The following EP400 variants were observed in gnomAD, a reference collection of about 807,000 sequenced individuals.
The protein encoded by EP400 is E1A-binding protein p400.
A neutral mutation model predicts 354.1 loss-of-function variants in EP400; 105 were observed. The ratio of observed to expected loss-of-function variants is 0.30; its 90% CI spans 0.25 to 0.35. The LOEUF is 0.35. EP400 is among the 10% of genes least tolerant of loss of function. The probability of loss-of-function intolerance (pLI) is 1.00; values close to 1 mark genes in which losing one functional copy is unlikely to be tolerated. For synonymous variants in EP400, 1,646 were observed against 1,716.9 expected (o/e 0.96, Z 1.02); for missense variants, 3,280 against 4,121.0 (o/e 0.80, Z 5.59).
intron 45 of EP400, among the ~76,000 whole-genome samples, chr12:132,060,564 C>T (rs183931582): frequency 1.2e-3 from 180 of 152,248 alleles, no homozygotes; most frequent in Middle Eastern, 6.8e-3. Flanking sequence ...GGGTCGTTGT[C>T]GTGCCAGGGA....
At chr12:132,066,600 T>C (rs767527418) in intron 48 of EP400, 174 bp from the exon 49 acceptor site, 96 of 671,678 alleles carry the variant, frequency 1.4e-4, no homozygotes, top group Non-Finnish European at 2.0e-4. Context: ...GACCTGTGAC[T>C]TGACATTTCC....
At position 131,982,102 on chromosome 12, in the gene EP400, C is replaced by A. The variant is rs1892700921; in HGVS notation, c.1553C>A (p.Pro518His). The A allele has an allele frequency of 1.3e-6, 2 of 1,510,926 alleles. No individual in the cohort carries two copies. Among genetic ancestry groups the A allele is most frequent in the Non-Finnish European group, 1.8e-6 (2 of 1,133,278 alleles). The allele number at this position is 1,510,926 out of a possible 1,614,324, so 93.6% of individuals were successfully genotyped here. A position where few individuals can be genotyped will look rare whatever the true frequency, so the allele number is the denominator to read the frequency against. Residue 518 changes from proline (P) to histidine (H), a missense_variant, in exon 5 of 53, where the codon CCC becomes CAC. By Grantham distance (77) the Pro-to-His change is moderately conservative (BLOSUM62 -2). Around this residue, in one of 20 missense-constraint regions of EP400, gnomAD observed 800 missense variants for 840.0 expected, o/e 0.95. Transcript: ENST00000389561. ...TTTTCTTATTTTGCAGGAGGAATGC[C>A]CCCCACGCCGCAGGCCGCGCAGCTC... ...QLMPTAQGGM[P>H]PTPQAAQLAG...
chr12:132,069,566 G>A lies in EP400; in HGVS notation c.8946G>A (p.Lys2982=), dbSNP rs192177683. The change falls in exon 51 of 53, where the codon AAG becomes AAA. Residue 2982 remains lysine, a synonymous_variant. Transcript: ENST00000389561. ...CCTACGCCGCGCAGCCGGCCCTTAA[G>A]ACCCAGTTTCTTACCACACCCATCT... ...KVAYAAQPAL[K]TQFLTTPISQ... 5 of 1,614,226 alleles carry A rather than the reference G, an allele frequency of 3.1e-6. No individual in the cohort carries two copies. The African/African-American group carries it at 5.3e-5, about 17-fold the overall frequency.
At chr12:132,062,867 C>T (rs1895754841) in intron 47 of EP400, among the ~76,000 whole-genome samples, 166 bp downstream of exon 47, 1 of 152,200 alleles carries the variant, frequency 6.6e-6, no homozygotes, top group Non-Finnish European at 1.5e-5. Flanking sequence ...CTAAAATTTC[C>T]CATGTCATAA....
chr12:132,073,944 T>C (rs912192082), intron 51 of EP400, among the ~76,000 whole-genome samples: 11 of 144,420 alleles, frequency 7.6e-5, no homozygotes, highest in Non-Finnish European at 1.7e-4. Flanking sequence ...TTTTTTTTTT[T>C]TTGAGACGGA....
rs200092159 is a variant in EP400 at position 132,053,551 on chromosome 12, C to G, written c.7682C>G (p.Ala2561Gly). The G allele has an allele frequency of 6.4e-7, 1 of 1,559,414 alleles. No homozygotes were observed. Among genetic ancestry groups the G allele is most frequent in the South Asian group, 1.2e-5 (1 of 86,106 alleles). ...CAGCCACAGCCTGTGCAGGCCCCAG[C>G]GAAGGCGCAGCCCGCAATCACGACG... ...QTQPQPVQAP[A>G]KAQPAITTGG... Residue 2561 changes from alanine (A) to glycine (G), a missense_variant, in exon 43 of 53, where the codon GCG (alanine) becomes GGG (glycine). By Grantham distance (60) the Ala-to-Gly change is moderately conservative (BLOSUM62 0). Around this residue, in one of 20 missense-constraint regions of EP400, gnomAD observed 255 missense variants for 295.9 expected, o/e 0.86. Transcript: ENST00000389561.
rs752146085 is a variant in EP400 at position 132,054,970 on chromosome 12, A to G, written c.7729-4A>G. On this transcript the variant is annotated splice_region_variant and splice_polypyrimidine_tract_variant and intron_variant, in intron 43 of 52. Coordinates refer to ENST00000389561, the MANE Select transcript of EP400 (RefSeq NM_015409.5). The surrounding 1 kb of genome is among the most constrained non-coding windows in gnomAD (Gnocchi z 4.0). ...ATTCAAATGGATTTTTTTTTTTTAAATAGGCAGGAACCATTAAAACATCAG... is the reference window on the plus strand; with the variant it reads ...ATTCAAATGGATTTTTTTTTTTTAAGTAGGCAGGAACCATTAAAACATCAG... 6.2e-7 allele frequency: 1 copy of G among 1,613,044 alleles called. No individual in the cohort carries two copies. Among genetic ancestry groups the G allele is most frequent in the South Asian group, 1.1e-5 (1 of 90,982 alleles).
At chr12:132,044,986 G>T (rs781482916) in intron 37 of EP400, 33 bp downstream of exon 37, 2 of 1,610,944 alleles carry the variant, frequency 1.2e-6, no homozygotes, top group Non-Finnish European at 8.5e-7. Context: ...ATGACCTGGG[G>T]GGGCCCTGGC....
chr12:132,015,461 C>G (rs984325294), intron 19 of EP400, among the ~76,000 whole-genome samples: 1 of 152,216 alleles, frequency 6.6e-6, no homozygotes, highest in Non-Finnish European at 1.5e-5. Context: ...GTTTTGAGCG[C>G]CAGCCTATCA....
chr12:131,980,524 T>C (rs1892644106), intron 3 of EP400, among the ~76,000 whole-genome samples: 1 of 152,162 alleles, frequency 6.6e-6, no homozygotes, highest in South Asian at 2.1e-4. Flanking sequence ...CTCATGGTTT[T>C]TTTTTCCTAC....
chr12:131,958,372 C>T (rs1461767493), intron 1 of EP400, among the ~76,000 whole-genome samples: 1 of 152,234 alleles, frequency 6.6e-6, no homozygotes, highest in East Asian at 1.9e-4. Flanking sequence ...GTGCTGTCTT[C>T]TGACTCCATC....
chr12:132,031,840 C>T, intron 29 of EP400, 113 bp from the exon 30 acceptor site: 1 of 1,121,810 alleles, frequency 8.9e-7, no homozygotes, highest in Non-Finnish European at 1.3e-6. Context: ...CAGGTGTGAG[C>T]CGCCACGCCC....
intron 51 of EP400, among the ~76,000 whole-genome samples, chr12:132,071,235 C>G (rs1005513986): frequency 6.6e-5 from 10 of 151,978 alleles, no homozygotes; most frequent in African/African-American, 2.2e-4. Flanking sequence ...AACTCCCTCC[C>G]TCCCTTACAC....
At chr12:132,022,541 G>C (rs1014616376) in intron 23 of EP400, among the ~76,000 whole-genome samples, 1 of 152,146 alleles carries the variant, frequency 6.6e-6, no homozygotes, top group African/African-American at 2.4e-5. Context: ...TGGGAAATAA[G>C]TCTTTAAACC....
At chr12:131,950,449 A>C (rs1891429501) in intron 1 of EP400, among the ~76,000 whole-genome samples, 1 of 152,102 alleles carries the variant, frequency 6.6e-6, no homozygotes. Flanking sequence ...CCTCGGGGTC[A>C]CGGACGCGAC....
intron 32 of EP400, among the ~76,000 whole-genome samples, 196 bp from the exon 33 acceptor site, chr12:132,043,108 A>G (rs1894969530): frequency 1.3e-5 from 2 of 152,124 alleles, no homozygotes; most frequent in Admixed American, 1.3e-4. Context: ...GAGGTTTCCC[A>G]CTCATTTTCT....
chr12:132,076,721 G>T (rs888679399), intron 52 of EP400, 128 bp downstream of exon 52: 2 of 810,714 alleles, frequency 2.5e-6, no homozygotes, highest in Admixed American at 5.7e-5. Flanking sequence ...TAACTTCAGG[G>T]GAAAAACTAG....
intron 1 of EP400, among the ~76,000 whole-genome samples, chr12:131,959,375 G>T (rs1593309116): frequency 6.6e-6 from 1 of 152,120 alleles, no homozygotes; most frequent in African/African-American, 2.4e-5. Context: ...GGGAACAGAC[G>T]GGGCTGCAGT....
chr12:132,023,001 T>G (rs562664250), intron 23 of EP400, among the ~76,000 whole-genome samples: 1 of 152,274 alleles, frequency 6.6e-6, no homozygotes, highest in African/African-American at 2.4e-5. Flanking sequence ...TGAAGCTAGT[T>G]ATTTTTTTAT....
Sources: gnomAD v4.1 joint callset for allele counts (sites outside exome capture counted in the v4.1 genomes callset) on GRCh38, gnomAD v4.1.1 for gene constraint, gnomAD v4.1.1 regional missense constraint, Gnocchi (gnomAD v3.1) non-coding constraint, MANE v1.5 for transcripts, NCBI Gene and HGNC (gene_info 2026-07-23, HGNC 2026-07-21) for gene names.